The following ADAMTSL1 variants were observed in gnomAD, a reference collection of about 807,000 sequenced individuals.
ADAMTSL1 encodes the protein ADAMTS-like protein 1.
In ADAMTSL1, 126 loss-of-function variants were observed where a neutral mutation model predicts 201.8. The observed-to-expected ratio is 0.62, with a 90% CI of 0.54 to 0.72. The LOEUF is 0.72. ADAMTSL1 is among the 30% of genes least tolerant of loss of function. ADAMTSL1 has a pLI of 0.00. For missense variants in ADAMTSL1, 2,679 were observed against 2,277.8 expected (o/e 1.18, Z -3.59); for synonymous variants, 1,121 against 903.4 (o/e 1.24, Z -4.32).
intron 26 of ADAMTSL1, among the ~76,000 whole-genome samples, chr9:18,893,387 C>T (rs1251557318): frequency 6.6e-6 from 1 of 152,190 alleles, no homozygotes; most frequent in Non-Finnish European, 1.5e-5. Context: ...TGTTTCCTAA[C>T]AGAGAGAAAA....
intron 1 of ADAMTSL1, among the ~76,000 whole-genome samples, chr9:18,489,638 A>T (rs192500761): frequency 6.6e-6 from 1 of 152,250 alleles, no homozygotes; most frequent in Admixed American, 6.5e-5. Flanking sequence ...GAGAACATTC[A>T]GTCTTCCACA....
At chr9:18,127,732 G>A (rs949351202) in intron 1 of ADAMTSL1, among the ~76,000 whole-genome samples, 2 of 152,140 alleles carry the variant, frequency 1.3e-5, no homozygotes, top group African/African-American at 4.8e-5. Context: ...GGGGAAAAAG[G>A]GGAGGTGTGT....
At chr9:18,889,794 G>A in intron 25 of ADAMTSL1, 46 bp downstream of exon 25, 2 of 1,402,660 alleles carry the variant, frequency 1.4e-6, no homozygotes, top group Middle Eastern at 2.7e-4. Context: ...CCTAGGAGGA[G>A]CCCTCCCTGT....
At position 18,789,973 on chromosome 9, in the gene ADAMTSL1, A is replaced by G. The variant is rs1408763459; in HGVS notation, c.3678-5424A>G. 3.3e-5 allele frequency among the ~76,000 whole-genome samples: 5 copies of G among 152,206 alleles called. No homozygotes were observed. The East Asian group carries it at 9.6e-4, about 29-fold the overall frequency. On this transcript the variant is annotated intron_variant, in intron 19 of 28. Coordinates refer to ENST00000380548, the MANE Select transcript of ADAMTSL1 (RefSeq NM_001040272.6). ...AGGAAAGCGTACCAGTCAGAATGAG[A>G]GGCCTGAGGTGGCACAATAACATAT...
At chr9:18,195,152 T>C (rs1382817343) in intron 2 of ADAMTSL1, among the ~76,000 whole-genome samples, 1 of 152,122 alleles carries the variant, frequency 6.6e-6, no homozygotes, top group Non-Finnish European at 1.5e-5. Context: ...TTTTGAGGAA[T>C]GAGGGGTCAC....
chr9:18,121,092 T>C (rs1255103631), intron 1 of ADAMTSL1, among the ~76,000 whole-genome samples: 2 of 152,192 alleles, frequency 1.3e-5, no homozygotes, highest in East Asian at 1.9e-4. Flanking sequence ...TTGTTTTTAT[T>C]GATTGCAGAT....
At chr9:17,907,802 C>T (rs1317466380) in intron 1 of ADAMTSL1, among the ~76,000 whole-genome samples, 1 of 152,118 alleles carries the variant, frequency 6.6e-6, no homozygotes, top group African/African-American at 2.4e-5. Context: ...TTTCCAGACT[C>T]AGGTTAACTA....
At chr9:18,878,671 C>T (rs777311362) in intron 23 of ADAMTSL1, among the ~76,000 whole-genome samples, 1 of 152,208 alleles carries the variant, frequency 6.6e-6, no homozygotes, top group Non-Finnish European at 1.5e-5. Flanking sequence ...CAAGCTGCTT[C>T]CTTGAAAGGG....
At chr9:18,134,960 T>C (rs1204637722) in intron 1 of ADAMTSL1, among the ~76,000 whole-genome samples, 1 of 152,114 alleles carries the variant, frequency 6.6e-6, no homozygotes, top group Admixed American at 6.6e-5. Context: ...TGCACTGATA[T>C]TTCATCTGGG....
chr9:18,146,758 C>A (rs1826664693), intron 1 of ADAMTSL1, among the ~76,000 whole-genome samples: 1 of 152,098 alleles, frequency 6.6e-6, no homozygotes, highest in African/African-American at 2.4e-5. Flanking sequence ...AAAGAACACA[C>A]AGGATTCAAG....
intron 2 of ADAMTSL1, among the ~76,000 whole-genome samples, chr9:18,331,766 A>G (rs1331930124): frequency 6.6e-6 from 1 of 152,242 alleles, no homozygotes; most frequent in African/African-American, 2.4e-5. Context: ...CTAGAGTTTT[A>G]GTAGCTATGC....
intron 1 of ADAMTSL1, among the ~76,000 whole-genome samples, chr9:18,041,089 C>G (rs929101029): frequency 6.6e-6 from 1 of 152,180 alleles, no homozygotes; most frequent in African/African-American, 2.4e-5. Context: ...AGACACAAAT[C>G]TGCTGAAGGA....
intron 1 of ADAMTSL1, among the ~76,000 whole-genome samples, chr9:17,933,268 CT>C (rs1826870713): frequency 6.6e-6 from 1 of 152,166 alleles, no homozygotes; most frequent in East Asian, 1.9e-4. Context: ...CCACTCTCTG[CT>C]TCTGCCTTTA....
At chr9:18,583,480 G>C (rs1823251357) in intron 4 of ADAMTSL1, among the ~76,000 whole-genome samples, 1 of 152,226 alleles carries the variant, frequency 6.6e-6, no homozygotes, top group East Asian at 1.9e-4. Flanking sequence ...CTGTCATGGA[G>C]AACCTCTGCT....
intron 23 of ADAMTSL1, among the ~76,000 whole-genome samples, chr9:18,838,720 C>T (rs1825497670): frequency 6.6e-6 from 1 of 151,318 alleles, no homozygotes; most frequent in African/African-American, 2.4e-5. Context: ...GTCCAAGCTG[C>T]TTGGGAGGCT....
At chr9:18,596,177 T>C (rs1479400658) in intron 4 of ADAMTSL1, among the ~76,000 whole-genome samples, 1 of 152,236 alleles carries the variant, frequency 6.6e-6, no homozygotes, top group Non-Finnish European at 1.5e-5. Context: ...TTTAAAAAAG[T>C]TCTGCCGTGT....
chr9:18,247,617 A>T (rs1831312891), intron 2 of ADAMTSL1, among the ~76,000 whole-genome samples: 1 of 152,160 alleles, frequency 6.6e-6, no homozygotes, highest in East Asian at 1.9e-4. Context: ...GATTGATTGA[A>T]TGCTGGTCTT....
rs1826076666 is a variant in ADAMTSL1, at chr9:18,622,163, A to T, written c.475-80A>T. ...GCCCCTCAGGGATGAAGGGAGGGTT[A>T]TTTCATGGTGATTGGCCTCATAATG... On this transcript the variant is annotated intron_variant, in intron 4 of 28. Coordinates refer to ENST00000380548, the MANE Select transcript of ADAMTSL1 (RefSeq NM_001040272.6). 6 of 1,555,466 alleles carry T rather than the reference A, an allele frequency of 3.9e-6. No homozygotes were observed. In the East Asian group the frequency reaches 1.4e-4, roughly 35 times the overall value.
At chr9:18,054,916 G>A (rs1822107937) in intron 1 of ADAMTSL1, among the ~76,000 whole-genome samples, 1 of 152,120 alleles carries the variant, frequency 6.6e-6, no homozygotes. Context: ...TACTGAACTG[G>A]TCCAACTATT....
Sources: gnomAD v4.1 joint callset for allele counts (sites outside exome capture counted in the v4.1 genomes callset) on GRCh38, gnomAD v4.1.1 for gene constraint, MANE v1.5 for transcripts, NCBI Gene and HGNC (gene_info 2026-07-23, HGNC 2026-07-21) for gene names.